ZNF786: variants seen among roughly 807,000 people sequenced by gnomAD.
ZNF786 encodes the protein zinc finger protein 786.
A neutral mutation model predicts 63.1 loss-of-function variants in ZNF786; 56 were observed. The ratio of observed to expected loss-of-function variants is 0.89; its 90% CI spans 0.72 to 1.11. The LOEUF (loss-of-function observed/expected upper bound fraction) is 1.11. ZNF786 is among the 50% of genes least tolerant of loss of function. ZNF786 has a pLI of 0.00. For synonymous variants in ZNF786, 485 were observed against 406.9 expected (o/e 1.19, Z -2.31); for missense variants, 1,213 against 1,041.8 (o/e 1.16, Z -2.26).
rs759087442 is a variant in ZNF786 at position 149,070,445 on chromosome 7, A to G, written c.2327T>C (p.Met776Thr). ...IKKRLSQLFA[M>T]IEADWS Reference sequence around the variant, plus strand: ...GCCTCAACTCCAATCGGCCTCTATCATTGCAAACAGTTGGCTGAGCCTTTT... The same window carrying G: ...GCCTCAACTCCAATCGGCCTCTATCGTTGCAAACAGTTGGCTGAGCCTTTT... Residue 776 changes from methionine to threonine, a missense_variant, in exon 4 of 4, where the codon ATG becomes ACG. Coordinates refer to ENST00000491431, the MANE Select transcript of ZNF786 (RefSeq NM_152411.4). The G allele has an allele frequency of 3.7e-6, 6 of 1,613,746 alleles. No individual in the cohort carries two copies. The Admixed American group carries it at 6.7e-5, about 18-fold the overall frequency.
Position 149,071,034 on chromosome 7 carries a change from G to A in ZNF786, c.1738C>T (p.Leu580Phe). 2 of 1,612,694 alleles carry A rather than the reference G, an allele frequency of 1.2e-6. No homozygotes were observed. The highest frequency in any genetic ancestry group is 1.3e-5 in the African/African-American group (1 of 75,040). The part of the protein sequence containing the change: ...CGKGFTRQSK[L>F]TEHLRVHSGE... ...CTGTGCACGCGCAAGTGCTCCGTGA[G>A]CTTGGATTGTCTGGTGAAGCCCTTG... Residue 580 changes from leucine to phenylalanine, a missense_variant, in exon 4 of 4, where the codon CTC becomes TTC. Coordinates refer to ENST00000491431, the MANE Select transcript of ZNF786 (RefSeq NM_152411.4).
intron 1 of ZNF786, 100 bp downstream of exon 1, chr7:149,090,523 C>T: frequency 7.6e-7 from 1 of 1,313,232 alleles, no homozygotes; most frequent in Non-Finnish European, 1.0e-6. Flanking sequence ...TACCCGTGCA[C>T]CGCGCGCACT....
chr7:149,085,715 C>T (rs1361495369), intron 1 of ZNF786, among the ~76,000 whole-genome samples: 2 of 151,748 alleles, frequency 1.3e-5, no homozygotes, highest in Admixed American at 1.3e-4. Flanking sequence ...ATTGATTCTT[C>T]CTATCCATGA....
chr7:149,075,667 T>TTTG (rs1825534536), intron 2 of ZNF786, among the ~76,000 whole-genome samples: 1 of 118,986 alleles, frequency 8.4e-6, no homozygotes, highest in African/African-American at 3.2e-5. Context: ...TTTTTTTTTT[T>TTTG]TTTTTTTTTT....
intron 1 of ZNF786, among the ~76,000 whole-genome samples, chr7:149,088,697 G>A (rs898997557): frequency 9.2e-5 from 14 of 152,136 alleles, no homozygotes; most frequent in African/African-American, 3.4e-4. Flanking sequence ...TTTTTCTTCA[G>A]AGTTCCTTTT....
intron 1 of ZNF786, among the ~76,000 whole-genome samples, chr7:149,090,114 T>G (rs1193507848): frequency 6.6e-6 from 1 of 152,224 alleles, no homozygotes; most frequent in Non-Finnish European, 1.5e-5. Flanking sequence ...CTTAATTTTT[T>G]GTATCCTCTT....
chr7:149,088,906 T>C (rs543803849), intron 1 of ZNF786, among the ~76,000 whole-genome samples: 1 of 152,262 alleles, frequency 6.6e-6, no homozygotes, highest in East Asian at 1.9e-4. Flanking sequence ...AAATACTTTA[T>C]TATACTTGTA....
At chr7:149,079,130 T>C (rs1323431509) in intron 2 of ZNF786, among the ~76,000 whole-genome samples, 2 of 151,990 alleles carry the variant, frequency 1.3e-5, no homozygotes, top group Non-Finnish European at 2.9e-5. Flanking sequence ...TGAAACGGGC[T>C]GGGCGTGGTG....
chr7:149,072,463 C>T lies in ZNF786; in HGVS notation c.309G>A (p.Gln103=). Residue 103 remains glutamine, a synonymous_variant, in exon 4 of 4, where the codon CAG becomes CAA. Coordinates refer to ENST00000491431, the MANE Select transcript of ZNF786 (RefSeq NM_152411.4). ...FEEQLFWGSQ[Q]AMNSGKTKSH... is the part of the protein sequence containing the mutation. ...TTTTAGTTTTTCCTGAATTCATAGC[C>T]TGCTGGCTTCCTGCAATTGAAAACA... 6.3e-7 allele frequency: 1 copy of T among 1,582,822 alleles called. No individual in the cohort carries two copies. Among genetic ancestry groups the T allele is most frequent in the South Asian group, 1.1e-5 (1 of 87,702 alleles).
At chr7:149,083,494 C>T (rs1217982843) in intron 1 of ZNF786, among the ~76,000 whole-genome samples, 1 of 152,138 alleles carries the variant, frequency 6.6e-6, no homozygotes, top group East Asian at 1.9e-4. Context: ...GGATTACAGG[C>T]GTGATCCACC....
At chr7:149,079,408 C>T (rs150115205) in intron 2 of ZNF786, among the ~76,000 whole-genome samples, 1,466 of 129,572 alleles carry the variant, frequency 0.011, 17 homozygotes, top group African/African-American at 0.04. Flanking sequence ...GACTCCGTCT[C>T]AAAAAAAAAA....
chr7:149,071,240 C>T lies in ZNF786; in HGVS notation c.1532G>A (p.Cys511Tyr). The part of the protein sequence containing the change: ...LRHGGERPFS[C>Y]SECGRGFTHQ... ...GGTGAAGCCTCTGCCACACTCGCTA[C>T]AGGAGAACGGCCTCTCCCCACCGTG... The change falls in exon 4 of 4, where the codon TGT becomes TAT. Residue 511 changes from cysteine (C) to tyrosine (Y), a missense_variant. Cys to Tyr is a radical substitution (Grantham distance 194, BLOSUM62 -2). Transcript: ENST00000491431. 1 of 1,612,488 alleles carries T rather than the reference C, an allele frequency of 6.2e-7. No individual in the cohort carries two copies. The highest frequency in any genetic ancestry group is 1.1e-5 in the South Asian group (1 of 91,058).
chr7:149,071,324 C>A lies in ZNF786; in HGVS notation c.1448G>T (p.Cys483Phe), dbSNP rs755074065. The A allele has an allele frequency of 1.4e-5, 22 of 1,613,316 alleles. No individual in the cohort carries two copies. Among genetic ancestry groups the A allele is most frequent in the Admixed American group, 5.0e-5 (3 of 59,986 alleles). Reference sequence around the variant, plus strand: ...GCGGAAGCTCAGCCCACACTCTGGGCACTGAAAGGGCTTCTCGTCCGTGTG... The same window carrying A: ...GCGGAAGCTCAGCCCACACTCTGGGAACTGAAAGGGCTTCTCGTCCGTGTG... ...RLHTDEKPFQ[C>F]PECGLSFRLE... Residue 483 changes from cysteine to phenylalanine, a missense_variant, in exon 4 of 4, where the codon TGC becomes TTC. Transcript: ENST00000491431.
chr7:149,070,737 G>T lies in ZNF786; in HGVS notation c.2035C>A (p.Pro679Thr). 1 of 1,613,792 alleles carries T rather than the reference G, an allele frequency of 6.2e-7. No homozygotes were observed. The highest frequency in any genetic ancestry group is 8.5e-7 in the Non-Finnish European group (1 of 1,179,936). Reference protein sequence around the residue: ...THTGEKPFQCPKCDKSFRLKA... With the variant: ...THTGEKPFQCTKCDKSFRLKA... ...AGGCGGAAACTCTTGTCACACTTGG[G>T]ACACTGAAAAGGCTTCTCTCCCGTG... is the stretch of plus-strand genomic sequence containing the variant. Residue 679 changes from proline to threonine, a missense_variant, in exon 4 of 4, where the codon CCC becomes ACC. Pro to Thr is a conservative substitution (Grantham distance 38). Coordinates refer to ENST00000491431, the MANE Select transcript of ZNF786 (RefSeq NM_152411.4).
intron 1 of ZNF786, among the ~76,000 whole-genome samples, chr7:149,083,377 T>C (rs1425777054): frequency 6.6e-6 from 1 of 151,780 alleles, no homozygotes; most frequent in Non-Finnish European, 1.5e-5. Flanking sequence ...CCACCACCCC[T>C]AGCTAATTTT....
At chr7:149,074,619 C>G (rs1427800004) in intron 2 of ZNF786, 81 bp from the exon 3 acceptor site, 15 of 1,460,250 alleles carry the variant, frequency 1.0e-5, no homozygotes, top group Admixed American at 2.6e-5. Flanking sequence ...AACATTCACT[C>G]CTGGGACAAA....
rs750276817 is a variant in ZNF786, at chr7:149,072,246, A to G, written c.526T>C (p.Leu176=). The G allele has an allele frequency of 6.2e-7, 1 of 1,613,556 alleles. No individual in the cohort carries two copies. The highest frequency in any genetic ancestry group is 1.1e-5 in the South Asian group (1 of 90,990). The part of the protein sequence containing the change: ...PGPRNLDLPG[L]WDVPAWESTQ... ...CTCTCCCAGGCGGGGACGTCCCACA[A>G]ACCAGGAAGATCCAGATTTCTGGGA... The change falls in exon 4 of 4, where the codon TTG becomes CTG. Residue 176 remains leucine (L), a synonymous_variant. Transcript: ENST00000491431.
rs150451309 is a variant in ZNF786 at position 149,083,463 on chromosome 7, C to T, written c.19-2746G>A. Among the ~76,000 whole-genome samples the T allele has an allele frequency of 5.9e-5, 9 of 152,066 alleles. No homozygotes were observed. In the South Asian group the frequency reaches 8.3e-4, roughly 14 times the overall value. ...AACTTCTGACCTCAGGTGATCCACC[C>T]GCCTCGGCCTCCCAGTGCTAGGATT... On this transcript the variant is annotated intron_variant, in intron 1 of 3. Coordinates refer to ENST00000491431, the MANE Select transcript of ZNF786 (RefSeq NM_152411.4).
rs1288706819 is a variant in ZNF786 at position 149,070,887 on chromosome 7, G to A, written c.1885C>T (p.Arg629Cys). The change falls in exon 4 of 4, where the codon CGC becomes TGC. Residue 629 changes from arginine to cysteine, a missense_variant. Transcript: ENST00000491431. ...RPFQCPECDKRYRVKADMKAH... is the reference protein window; with the variant it reads ...RPFQCPECDKCYRVKADMKAH... ...TTCATGTCGGCCTTCACGCGATAGC[G>A]CTTGTCGCACTCCGGACACTGGAAG... 2.5e-6 allele frequency: 4 copies of A among 1,610,534 alleles called. No homozygotes were observed. The highest frequency in any genetic ancestry group is 3.4e-6 in the Non-Finnish European group (4 of 1,179,262).
Sources: gnomAD v4.1 joint callset for allele counts (sites outside exome capture counted in the v4.1 genomes callset) on GRCh38, gnomAD v4.1.1 for gene constraint, MANE v1.5 for transcripts, NCBI Gene and HGNC (gene_info 2026-07-23, HGNC 2026-07-21) for gene names.